Variants in CEP192 observed in about 807,000 individuals in gnomAD.
CEP192 encodes centrosomal protein of 192 kDa.
In CEP192, 151 loss-of-function variants were observed where a neutral mutation model predicts 271.8. The observed-to-expected ratio is 0.56, with a 90% CI of 0.49 to 0.64. CEP192 has a LOEUF of 0.64. Among genes scored for constraint, CEP192 ranks in the 30% least tolerant of loss-of-function variants. The pLI is 0.00. For missense variants in CEP192, 2,910 were observed against 3,020.5 expected (o/e 0.96, Z 0.86); for synonymous variants, 995 against 1,076.5 (o/e 0.92, Z 1.48).
chr18:13,088,382 A>G (rs1190327906), intron 32 of CEP192, among the ~76,000 whole-genome samples: 1 of 152,206 alleles, frequency 6.6e-6, no homozygotes, highest in Non-Finnish European at 1.5e-5. Context: ...CAGGAGTTCA[A>G]GGCTGCAGTG....
intron 3 of CEP192, among the ~76,000 whole-genome samples, chr18:13,003,469 AAAAG>A (rs1271271931): frequency 2.0e-5 from 3 of 150,766 alleles, no homozygotes; most frequent in Non-Finnish European, 3.0e-5. Context: ...AAAAAAAAAA[AAAAG>A]AAGATATGAG....
rs2036880594 is a variant in CEP192, at chr18:13,052,953, C to G, written c.3052C>G (p.Gln1018Glu). 1.2e-6 allele frequency: 2 copies of G among 1,611,950 alleles called. No individual in the cohort carries two copies. The highest frequency in any genetic ancestry group is 8.5e-7 in the Non-Finnish European group (1 of 1,178,842). Reference sequence around the variant, plus strand: ...AGAGTCCTTTGGTTCAGCAGCTCAGCAGCAGCAGCCTCCCTGTGAGCAGGA... The same window carrying G: ...AGAGTCCTTTGGTTCAGCAGCTCAGGAGCAGCAGCCTCCCTGTGAGCAGGA... ...ALESFGSAAQQQQPPCEQELS... is the reference protein window; with the variant it reads ...ALESFGSAAQEQQPPCEQELS... The change falls in exon 18 of 45, where the codon CAG (glutamine) becomes GAG (glutamate). Residue 1018 changes from glutamine (Q) to glutamate (E), a missense_variant. Gln to Glu is a conservative substitution (Grantham distance 29). Transcript: ENST00000506447.
Position 13,001,583 on chromosome 18 carries a change from G to A in CEP192, c.290+1G>A, listed in dbSNP as rs1236818818. 3.2e-6 allele frequency: 5 copies of A among 1,545,582 alleles called. No homozygotes were observed. The highest frequency in any genetic ancestry group is 2.7e-5 in the African/African-American group (2 of 72,838). ...TACAGCTTAGCTTCCAGGATGATGA[G>A]TAAGTTCATACCTTCATTTGCTTGT... On this transcript the variant is annotated splice_donor_variant, in intron 3 of 44. Coordinates refer to ENST00000506447, the MANE Select transcript of CEP192 (RefSeq NM_032142.4). LOFTEE classifies it high-confidence loss of function.
chr18:13,077,386 G>A (rs1352951810), intron 30 of CEP192, among the ~76,000 whole-genome samples: 1 of 152,172 alleles, frequency 6.6e-6, no homozygotes, highest in East Asian at 1.9e-4. Context: ...TGTTCAGCCA[G>A]TATAATGCAG....
chr18:13,087,938 T>A (rs369315914), intron 32 of CEP192, among the ~76,000 whole-genome samples: 2 of 152,198 alleles, frequency 1.3e-5, no homozygotes, highest in Non-Finnish European at 2.9e-5. Flanking sequence ...TAGGACCATT[T>A]CCGTAATGTA....
At chr18:13,057,819 C>A in intron 20 of CEP192, 86 bp downstream of exon 20, 3 of 1,273,106 alleles carry the variant, frequency 2.4e-6, no homozygotes, top group South Asian at 2.8e-5. Flanking sequence ...GCTAGGTTCT[C>A]CCTTCACGCC....
intron 1 of CEP192, among the ~76,000 whole-genome samples, chr18:12,995,995 C>T (rs1181410153): frequency 1.3e-5 from 2 of 152,130 alleles, no homozygotes; most frequent in African/African-American, 4.8e-5. Context: ...CCTGGTTGGC[C>T]ATCTTAAAGA....
intron 15 of CEP192, among the ~76,000 whole-genome samples, chr18:13,047,834 G>A (rs555302430): frequency 1.3e-5 from 2 of 152,118 alleles, no homozygotes; most frequent in East Asian, 1.9e-4. Flanking sequence ...AATTATACTT[G>A]CAATCACAAT....
rs1341524792 is a variant in CEP192, at chr18:13,116,460, C to T, written c.7373C>T (p.Thr2458Ile). 3.1e-6 allele frequency: 5 copies of T among 1,610,676 alleles called. No homozygotes were observed. The South Asian group carries it at 4.4e-5, about 14-fold the overall frequency. ...CCGACTAGTGTGGGGGAATCACGGA[C>T]ACTTAAAGTCAATCTGCGAAATAAT... ...FRPTSVGESR[T>I]LKVNLRNNSF... The change falls in exon 43 of 45, where the codon ACA becomes ATA. Residue 2458 changes from threonine to isoleucine, a missense_variant. Coordinates refer to ENST00000506447, the MANE Select transcript of CEP192 (RefSeq NM_032142.4).
Position 13,069,070 on chromosome 18 carries a change from G to A in CEP192, c.4963-19G>A, listed in dbSNP as rs372235301. On this transcript the variant is annotated intron_variant, in intron 25 of 44. Coordinates refer to ENST00000506447, the MANE Select transcript of CEP192 (RefSeq NM_032142.4). ...TTTGTGACAGTTCGTTGAAATGTCTGTCTTGCCCCATCCTCCAGACGATGC... is the reference window on the plus strand; with the variant it reads ...TTTGTGACAGTTCGTTGAAATGTCTATCTTGCCCCATCCTCCAGACGATGC... 1.1e-4 allele frequency: 177 copies of A among 1,613,872 alleles called. 2 individuals carry two copies. The highest frequency in any genetic ancestry group is 7.6e-4 in the African/African-American group (57 of 74,928).
intron 2 of CEP192, among the ~76,000 whole-genome samples, chr18:13,000,081 T>C (rs928078652): frequency 1.5e-5 from 2 of 134,400 alleles, no homozygotes; most frequent in African/African-American, 3.0e-5. Flanking sequence ...TATAACTCAT[T>C]GTCTTCTCTC....
At chr18:13,059,775 G>A (rs555359546) in intron 21 of CEP192, among the ~76,000 whole-genome samples, 6 of 152,232 alleles carry the variant, frequency 3.9e-5, no homozygotes, top group East Asian at 1.9e-4. Context: ...CTCAACCATG[G>A]CTGCACATTG....
intron 21 of CEP192, among the ~76,000 whole-genome samples, chr18:13,065,014 C>T (rs1038665751): frequency 2.0e-5 from 3 of 151,820 alleles, no homozygotes; most frequent in African/African-American, 7.3e-5. Flanking sequence ...TAAGTTAATT[C>T]CTGGGTATTT....
At chr18:13,061,289 C>T (rs2037393718) in intron 21 of CEP192, among the ~76,000 whole-genome samples, 1 of 152,198 alleles carries the variant, frequency 6.6e-6, no homozygotes, top group Non-Finnish European at 1.5e-5. Flanking sequence ...CGCTATTGCA[C>T]TCCAGCCTGG....
chr18:13,005,328 TTTTG>T (rs1457299303), intron 3 of CEP192, among the ~76,000 whole-genome samples: 1 of 151,704 alleles, frequency 6.6e-6, no homozygotes, highest in East Asian at 1.9e-4. Context: ...AGTAGAAGGG[TTTTG>T]TTTGTTGGGG....
chr18:13,095,903 G>T lies in CEP192; in HGVS notation c.6433+222G>T, dbSNP rs1332918603. On this transcript the variant is annotated intron_variant, in intron 35 of 44. Coordinates refer to ENST00000506447, the MANE Select transcript of CEP192 (RefSeq NM_032142.4). ...CAATGAGGCTCCCAGTTCTCCAATGGCAGAGCCACACCTCTGCCCACAGAG... is the reference window on the plus strand; with the variant it reads ...CAATGAGGCTCCCAGTTCTCCAATGTCAGAGCCACACCTCTGCCCACAGAG... 6.6e-6 allele frequency among the ~76,000 whole-genome samples: 1 copy of T among 152,152 alleles called. No homozygotes were observed. Among genetic ancestry groups the T allele is most frequent in the Non-Finnish European group, 1.5e-5 (1 of 68,036 alleles).
chr18:13,047,636 C>T (rs895013093), intron 15 of CEP192, among the ~76,000 whole-genome samples: 3 of 152,120 alleles, frequency 2.0e-5, no homozygotes, highest in Admixed American at 6.5e-5. Context: ...TTGTTCTTAG[C>T]GAGAGGTTGG....
At position 13,095,514 on chromosome 18, in the gene CEP192, C is replaced by T. The variant is rs548441922; in HGVS notation, c.6266C>T (p.Ala2089Val). 2 of 1,608,474 alleles carry T rather than the reference C, an allele frequency of 1.2e-6. No homozygotes were observed. Among genetic ancestry groups the T allele is most frequent in the African/African-American group, 1.3e-5 (1 of 74,636 alleles). Reference protein sequence around the residue: ...ASLESTSDLGASGKHGGNVSL... With the variant: ...ASLESTSDLGVSGKHGGNVSL... Reference sequence around the variant, plus strand: ...AAATAATTTTTTAGCGACTTGGGAGCTTCTGGGAAACATGGTGGCAACGTC... The same window carrying T: ...AAATAATTTTTTAGCGACTTGGGAGTTTCTGGGAAACATGGTGGCAACGTC... The change falls in exon 35 of 45, where the codon GCT (alanine) becomes GTT (valine). Residue 2089 changes from alanine (A) to valine (V), a missense_variant. Physicochemically the swap from Ala to Val is moderately conservative, Grantham distance 64. Coordinates refer to ENST00000506447, the MANE Select transcript of CEP192 (RefSeq NM_032142.4).
At chr18:13,049,982 G>A in intron 17 of CEP192, 91 bp downstream of exon 17, 1 of 1,065,884 alleles carries the variant, frequency 9.4e-7, no homozygotes, top group South Asian at 1.7e-5. Flanking sequence ...AATTATCTGT[G>A]CATTCGTCTC....
Sources: gnomAD v4.1 joint callset for allele counts (sites outside exome capture counted in the v4.1 genomes callset) on GRCh38, gnomAD v4.1.1 for gene constraint, MANE v1.5 for transcripts, NCBI Gene and HGNC (gene_info 2026-07-23, HGNC 2026-07-21) for gene names.